QTMAN: variants seen among roughly 807,000 people sequenced by gnomAD.
QTMAN encodes tRNA-queuosine alpha-mannosyltransferase.
chr2:144,223,615 T>A, the QTMAN span, among the ~76,000 whole-genome samples: 1 of 152,194 alleles, frequency 6.6e-6, no homozygotes, highest in African/African-American at 2.4e-5. Context: ...TATAACAATA[T>A]TGATTTGATA....
At chr2:144,019,303 C>T in the QTMAN span, among the ~76,000 whole-genome samples, 2 of 151,840 alleles carry the variant, frequency 1.3e-5, no homozygotes, top group African/African-American at 2.4e-5. Context: ...CATAGGCATA[C>T]AAGGATAAAA....
At chr2:144,035,900 A>C in the QTMAN span, among the ~76,000 whole-genome samples, 2 of 152,204 alleles carry the variant, frequency 1.3e-5, no homozygotes, top group Non-Finnish European at 2.9e-5. Context: ...AGCTGCAAAG[A>C]AATGGGCATT....
the QTMAN span, among the ~76,000 whole-genome samples, chr2:144,269,372 G>A: frequency 2.0e-5 from 3 of 152,108 alleles, no homozygotes; most frequent in Non-Finnish European, 4.4e-5. Context: ...AGGAGAGAAA[G>A]AGATTCTGCT....
chr2:144,191,230 T>G, the QTMAN span, among the ~76,000 whole-genome samples: 1 of 152,150 alleles, frequency 6.6e-6, no homozygotes, highest in Non-Finnish European at 1.5e-5. Flanking sequence ...TGAAAAAGAA[T>G]CCAAACGAGA....
chr2:144,060,902 G>A, the QTMAN span, among the ~76,000 whole-genome samples: 2 of 151,962 alleles, frequency 1.3e-5, no homozygotes, highest in African/African-American at 2.4e-5. Flanking sequence ...TATGAATATC[G>A]AGTTTCCTTT....
chr2:144,163,532 T>G, the QTMAN span, among the ~76,000 whole-genome samples: 3 of 152,190 alleles, frequency 2.0e-5, no homozygotes, highest in African/African-American at 7.2e-5. Flanking sequence ...TCAAGTTTTC[T>G]TTTTATAAAA....
chr2:144,244,228 A>G, the QTMAN span, among the ~76,000 whole-genome samples: 9 of 152,290 alleles, frequency 5.9e-5, no homozygotes, highest in Middle Eastern at 3.4e-3. Flanking sequence ...TGCGGAGCTC[A>G]TGACAGCACT....
chr2:144,305,865 G>A, the QTMAN span, among the ~76,000 whole-genome samples: 2 of 152,214 alleles, frequency 1.3e-5, no homozygotes, highest in African/African-American at 2.4e-5. Flanking sequence ...CACTGCTAAT[G>A]TATAGAAATA....
the QTMAN span, among the ~76,000 whole-genome samples, chr2:144,099,099 T>C: frequency 6.6e-6 from 1 of 152,216 alleles, no homozygotes; most frequent in Non-Finnish European, 1.5e-5. Context: ...TAGGCATGCA[T>C]ATACATGACA....
chr2:144,263,801 A>G, the QTMAN span, among the ~76,000 whole-genome samples: 1 of 152,196 alleles, frequency 6.6e-6, no homozygotes, highest in Non-Finnish European at 1.5e-5. Flanking sequence ...TGTCTTAAGT[A>G]TTGCTTGAAA....
At chr2:144,300,592 T>C in the QTMAN span, among the ~76,000 whole-genome samples, 1 of 152,258 alleles carries the variant, frequency 6.6e-6, no homozygotes, top group South Asian at 2.1e-4. Context: ...ATATACACCA[T>C]AACATGTCTA....
chr2:144,186,789 T>C, the QTMAN span, among the ~76,000 whole-genome samples: 1 of 152,196 alleles, frequency 6.6e-6, no homozygotes, highest in Non-Finnish European at 1.5e-5. Context: ...TAATATCAAA[T>C]TTGCCACATT....
the QTMAN span, among the ~76,000 whole-genome samples, chr2:144,012,481 G>A: frequency 6.6e-6 from 1 of 152,128 alleles, no homozygotes; most frequent in African/African-American, 2.4e-5. Flanking sequence ...TAGAGTACTT[G>A]CAGTTGACTC....
chr2:144,268,459 T>C, the QTMAN span, among the ~76,000 whole-genome samples: 1 of 152,186 alleles, frequency 6.6e-6, no homozygotes, highest in Non-Finnish European at 1.5e-5. Context: ...TTATAAAAGA[T>C]GCCAAAGAAT....
the QTMAN span, among the ~76,000 whole-genome samples, chr2:144,153,065 C>T: frequency 1.3e-5 from 2 of 152,140 alleles, no homozygotes; most frequent in Admixed American, 6.5e-5. Context: ...AGGATCAGTG[C>T]TATTTGAATT....
At chr2:143,990,897 A>C in the QTMAN span, among the ~76,000 whole-genome samples, 2 of 152,234 alleles carry the variant, frequency 1.3e-5, no homozygotes, top group African/African-American at 4.8e-5. Flanking sequence ...ATATGTAAAG[A>C]GCAAGGCACT....
At chr2:144,133,471 T>TATATAATATATATTATATATATTATATA in the QTMAN span, among the ~76,000 whole-genome samples, 101 of 65,938 alleles carry the variant, frequency 1.5e-3, 1 homozygote, top group African/African-American at 6.0e-3. Flanking sequence ...ATATTATATA[T>TATATAATATATATTATATATATTATATA]TATATAATAT....
At chr2:144,086,538 T>C in the QTMAN span, among the ~76,000 whole-genome samples, 2 of 152,280 alleles carry the variant, frequency 1.3e-5, no homozygotes, top group East Asian at 3.9e-4. Context: ...TGAAGCTGAG[T>C]AAGTTGCCTG....
the QTMAN span, among the ~76,000 whole-genome samples, chr2:144,247,858 G>A: frequency 1.3e-5 from 2 of 151,872 alleles, no homozygotes; most frequent in Non-Finnish European, 2.9e-5. Flanking sequence ...TTTGTTTTTT[G>A]TTTTTGTTTC....
Sources: gnomAD v4.1 joint callset for allele counts (sites outside exome capture counted in the v4.1 genomes callset) on GRCh38, gnomAD v4.1.1 for gene constraint, MANE v1.5 for transcripts, NCBI Gene and HGNC (gene_info 2026-07-23, HGNC 2026-07-21) for gene names.